Variants in KCND2 observed in about 807,000 individuals in gnomAD.
KCND2 encodes the protein A-type voltage-gated potassium channel KCND2.
KCND2 carries 16 observed loss-of-function variants against 54.4 expected under a neutral mutation model. The observed-to-expected ratio is 0.29, with a 90% CI of 0.20 to 0.45. The LOEUF is 0.45. Ranked by LOEUF, KCND2 falls within the 20% of genes least tolerant of loss-of-function variation. KCND2 has a pLI of 1.00. For synonymous variants in KCND2, 317 were observed against 310.7 expected (o/e 1.02, Z -0.21); for missense variants, 486 against 824.2 (o/e 0.59, Z 5.02).
intron 1 of KCND2, among the ~76,000 whole-genome samples, chr7:120,483,832 T>C (rs1024739777): frequency 6.6e-6 from 1 of 152,154 alleles, no homozygotes; most frequent in Non-Finnish European, 1.5e-5. Context: ...GAATTAGACA[T>C]GTCGAGTGTA....
At chr7:120,580,301 C>T (rs60567357) in intron 1 of KCND2, among the ~76,000 whole-genome samples, 1 of 152,142 alleles carries the variant, frequency 6.6e-6, no homozygotes, top group African/African-American at 2.4e-5. Flanking sequence ...TTTGGCTTAG[C>T]CCTCTTAAAG....
At chr7:120,579,945 G>A (rs1792494218) in intron 1 of KCND2, among the ~76,000 whole-genome samples, 1 of 152,126 alleles carries the variant, frequency 6.6e-6, no homozygotes, top group Admixed American at 6.5e-5. Flanking sequence ...AATGCCTTTA[G>A]TGGTCTAAGC....
rs1793027294 is a variant in KCND2, at chr7:120,747,995, C to G, written c.*137C>G. 1.4e-6 allele frequency: 1 copy of G among 729,760 alleles called. No homozygotes were observed. The highest frequency in any genetic ancestry group is 1.8e-5 in the African/African-American group (1 of 56,244). The allele number at this position is 729,760 out of a possible 1,614,324, so 45.2% of individuals were successfully genotyped here. A position where few individuals can be genotyped will look rare whatever the true frequency, so the allele number is the denominator to read the frequency against. On this transcript the variant is annotated 3_prime_UTR_variant, in exon 6 of 6. Coordinates refer to ENST00000331113, the MANE Select transcript of KCND2 (RefSeq NM_012281.3). Reference sequence around the variant, plus strand: ...AGGTTGGTAGTGAAACACAAAGCTTCCAATCTTAAGGATGTGAATAAAACC... The same window carrying G: ...AGGTTGGTAGTGAAACACAAAGCTTGCAATCTTAAGGATGTGAATAAAACC...
intron 1 of KCND2, among the ~76,000 whole-genome samples, chr7:120,694,711 A>G (rs192149496): frequency 1.3e-3 from 200 of 152,260 alleles, no homozygotes; most frequent in African/African-American, 4.7e-3. Context: ...CTTGTGCTGT[A>G]CTGGTAAACT....
intron 1 of KCND2, among the ~76,000 whole-genome samples, chr7:120,670,464 T>TC (rs1334023805): frequency 6.6e-6 from 1 of 152,012 alleles, no homozygotes; most frequent in African/African-American, 2.4e-5. Context: ...CTGTCATAGG[T>TC]CCATGGATTT....
chr7:120,588,239 T>C (rs12531146), intron 1 of KCND2, among the ~76,000 whole-genome samples: 103,630 of 152,004 alleles, frequency 0.68, 38,152 homozygotes, highest in Middle Eastern at 0.88. Context: ...CTAACAGGTG[T>C]GTGTGAGGTT....
chr7:120,734,397 A>G (rs1792845724), intron 2 of KCND2, among the ~76,000 whole-genome samples: 1 of 152,068 alleles, frequency 6.6e-6, no homozygotes, highest in Non-Finnish European at 1.5e-5. Flanking sequence ...GTTAGTTACC[A>G]TTATTATCCT....
At chr7:120,611,317 A>T (rs935723429) in intron 1 of KCND2, among the ~76,000 whole-genome samples, 2 of 152,230 alleles carry the variant, frequency 1.3e-5, no homozygotes, top group Non-Finnish European at 2.9e-5. Context: ...TTGTGCTAAG[A>T]AACTGAACTG....
At chr7:120,283,472 T>C (rs1170061653) in intron 1 of KCND2, among the ~76,000 whole-genome samples, 1 of 152,182 alleles carries the variant, frequency 6.6e-6, no homozygotes, top group Non-Finnish European at 1.5e-5. Context: ...CATCCTTCAT[T>C]AGTTTTTTAT....
chr7:120,705,520 G>C (rs1043232169), intron 1 of KCND2, among the ~76,000 whole-genome samples: 4 of 152,148 alleles, frequency 2.6e-5, no homozygotes, highest in African/African-American at 9.7e-5. Flanking sequence ...CTTGCAAAAT[G>C]TCGATAATAA....
chr7:120,734,663 GT>G (rs886786688), intron 2 of KCND2, among the ~76,000 whole-genome samples: 1 of 152,094 alleles, frequency 6.6e-6, no homozygotes. Context: ...AATCTCTTTT[GT>G]AGTTTCCTTT....
At chr7:120,291,378 A>G (rs1799432829) in intron 1 of KCND2, among the ~76,000 whole-genome samples, 1 of 151,928 alleles carries the variant, frequency 6.6e-6, no homozygotes, top group Non-Finnish European at 1.5e-5. Flanking sequence ...TGTACTCTGT[A>G]ACTATCTTTT....
chr7:120,340,489 T>C (rs1800224946), intron 1 of KCND2, among the ~76,000 whole-genome samples: 1 of 152,198 alleles, frequency 6.6e-6, no homozygotes, highest in Admixed American at 6.5e-5. Context: ...GTTTTGGGCA[T>C]GCTAGTTTTG....
intron 1 of KCND2, among the ~76,000 whole-genome samples, chr7:120,631,680 G>C (rs951538576): frequency 1.3e-5 from 2 of 152,110 alleles, no homozygotes; most frequent in Non-Finnish European, 2.9e-5. Context: ...TCATCGCATA[G>C]ATTGGCTTTT....
chr7:120,656,247 A>T (rs1791802289), intron 1 of KCND2, among the ~76,000 whole-genome samples: 2 of 152,132 alleles, frequency 1.3e-5, no homozygotes, highest in African/African-American at 4.8e-5. Context: ...GTTTTTTTTA[A>T]CATCCTAAGC....
At chr7:120,430,017 A>G (rs1033133396) in intron 1 of KCND2, among the ~76,000 whole-genome samples, 1 of 152,220 alleles carries the variant, frequency 6.6e-6, no homozygotes, top group Non-Finnish European at 1.5e-5. Flanking sequence ...TTTTAATATT[A>G]CACAGTTCTG....
chr7:120,659,434 C>T (rs1791840587), intron 1 of KCND2, among the ~76,000 whole-genome samples: 2 of 152,070 alleles, frequency 1.3e-5, no homozygotes, highest in South Asian at 4.1e-4. Flanking sequence ...ACAAACACGG[C>T]AATATCAAAG....
At chr7:120,559,011 GTGTTTC>G in intron 1 of KCND2, among the ~76,000 whole-genome samples, 1 of 151,678 alleles carries the variant, frequency 6.6e-6, no homozygotes, top group South Asian at 2.1e-4. Flanking sequence ...GTGTGTGTGT[GTGTTTC>G]TGTGTGTGTA....
intron 1 of KCND2, among the ~76,000 whole-genome samples, chr7:120,538,709 G>C (rs948265966): frequency 6.6e-6 from 1 of 152,256 alleles, no homozygotes; most frequent in South Asian, 2.1e-4. Context: ...CTAGCCAGGG[G>C]CTCTACACAG....
Sources: gnomAD v4.1 joint callset for allele counts (sites outside exome capture counted in the v4.1 genomes callset) on GRCh38, gnomAD v4.1.1 for gene constraint, MANE v1.5 for transcripts, NCBI Gene and HGNC (gene_info 2026-07-23, HGNC 2026-07-21) for gene names.